The following SCHIP1 variants were observed in gnomAD, a reference collection of about 807,000 sequenced individuals.
SCHIP1 encodes the protein schwannomin-interacting protein 1.
In SCHIP1, 8 loss-of-function variants were observed where a neutral mutation model predicts 29.7. The observed-to-expected ratio is 0.27, with a 90% CI of 0.16 to 0.49. The LOEUF is 0.49. Among genes scored for constraint, SCHIP1 ranks in the 20% least tolerant of loss-of-function variants. The pLI is 0.99. For missense variants in SCHIP1, 193 were observed against 294.6 expected, an observed-to-expected ratio of 0.66 and a Z score of 2.52; for synonymous variants, 76 against 94.9, an observed-to-expected ratio of 0.80 and a Z score of 1.16.
the SCHIP1 span, among the ~76,000 whole-genome samples, chr3:159,459,457 G>T: frequency 1.3e-5 from 2 of 152,180 alleles, no homozygotes; most frequent in Admixed American, 6.5e-5. Flanking sequence ...AATCTAAGGG[G>T]CTGGAGATAT....
At chr3:159,764,318 T>G in the SCHIP1 span, 21 of 1,176,662 alleles carry the variant, frequency 1.8e-5, no homozygotes, top group South Asian at 4.0e-5. The surrounding 1 kb of genome is among the most constrained non-coding windows in gnomAD (Gnocchi z 6.1). Context: ...CAGGCCTCCT[T>G]GGGGGACGCA....
chr3:159,765,132 C>T, the SCHIP1 span: 1 of 1,561,578 alleles, frequency 6.4e-7, no homozygotes, highest in Non-Finnish European at 8.7e-7. Context: ...GGACCAACTC[C>T]ACCTCCGTAA....
the SCHIP1 span, among the ~76,000 whole-genome samples, chr3:159,323,840 A>T: frequency 6.6e-6 from 1 of 152,162 alleles, no homozygotes. Context: ...TTGGCCTGGG[A>T]ATGCTATCGG....
At chr3:159,844,249 A>C (rs991250664) in intron 1 of SCHIP1, among the ~76,000 whole-genome samples, 26 of 152,346 alleles carry the variant, frequency 1.7e-4, no homozygotes, top group African/African-American at 5.5e-4. Context: ...TGCTTTTCTA[A>C]ATGGATGATT....
chr3:159,376,479 G>A, the SCHIP1 span, among the ~76,000 whole-genome samples: 3 of 152,112 alleles, frequency 2.0e-5, no homozygotes, highest in African/African-American at 7.2e-5. Context: ...GGAGCCAATT[G>A]ATTCCTAAGT....
the SCHIP1 span, among the ~76,000 whole-genome samples, chr3:159,608,539 C>T: frequency 1.3e-5 from 2 of 152,184 alleles, no homozygotes; most frequent in Non-Finnish European, 2.9e-5. Context: ...GTCTTACTAA[C>T]TTACCAGAGA....
the SCHIP1 span, among the ~76,000 whole-genome samples, chr3:159,535,637 T>C: frequency 6.6e-6 from 1 of 152,206 alleles, no homozygotes; most frequent in East Asian, 1.9e-4. Flanking sequence ...AGTAAAGACA[T>C]AGACTAGTTG....
chr3:159,399,971 A>G, the SCHIP1 span, among the ~76,000 whole-genome samples: 10 of 152,126 alleles, frequency 6.6e-5, no homozygotes, highest in Admixed American at 6.6e-5. Flanking sequence ...ACCTGGGCAT[A>G]TTTTAAAAAT....
the SCHIP1 span, among the ~76,000 whole-genome samples, chr3:159,652,680 G>A: frequency 1.3e-5 from 2 of 152,274 alleles, no homozygotes; most frequent in Non-Finnish European, 1.5e-5. Flanking sequence ...AATGACGACT[G>A]TTGAAATGAC....
chr3:159,394,622 G>A, the SCHIP1 span, among the ~76,000 whole-genome samples: 1 of 151,866 alleles, frequency 6.6e-6, no homozygotes, highest in Non-Finnish European at 1.5e-5. Flanking sequence ...TACATTTATT[G>A]ATTTGCGTAT....
At chr3:159,879,351 C>T (rs973187329) in intron 2 of SCHIP1, among the ~76,000 whole-genome samples, 11 of 151,606 alleles carry the variant, frequency 7.3e-5, no homozygotes, top group African/African-American at 1.9e-4. Context: ...CATCTCAAGA[C>T]GGACTTTCCT....
the SCHIP1 span, among the ~76,000 whole-genome samples, chr3:159,394,846 G>C: frequency 6.6e-6 from 1 of 152,106 alleles, no homozygotes; most frequent in Admixed American, 6.5e-5. Flanking sequence ...AGTTAGGGAG[G>C]ATTCCCTCTT....
At chr3:159,782,883 T>C in the SCHIP1 span, among the ~76,000 whole-genome samples, 11 of 152,180 alleles carry the variant, frequency 7.2e-5, no homozygotes, top group Admixed American at 7.2e-4. Flanking sequence ...CCTTGCCACC[T>C]CAACACACCC....
At chr3:159,752,451 A>G in the SCHIP1 span, among the ~76,000 whole-genome samples, 1 of 152,132 alleles carries the variant, frequency 6.6e-6, no homozygotes, top group Non-Finnish European at 1.5e-5. Context: ...TGCTATAAAG[A>G]AATACTGGAG....
chr3:159,843,725 A>T (rs1744501092), intron 1 of SCHIP1, among the ~76,000 whole-genome samples: 1 of 146,820 alleles, frequency 6.8e-6, no homozygotes, highest in Admixed American at 6.8e-5. Context: ...AGGGAGGCTG[A>T]TGCAGGAGAA....
At chr3:159,473,674 G>GAAAAAAAAAAAAAAAAAAAAAAA in the SCHIP1 span, among the ~76,000 whole-genome samples, 7 of 81,442 alleles carry the variant, frequency 8.6e-5, no homozygotes, top group Non-Finnish European at 1.5e-4. Flanking sequence ...ATGTAACTAC[G>GAAAAAAAAAAAAAAAAAAAAAAA]AAAAAAAAAA....
chr3:159,335,308 C>A, the SCHIP1 span, among the ~76,000 whole-genome samples: 1 of 152,126 alleles, frequency 6.6e-6, no homozygotes, highest in Admixed American at 6.6e-5. Context: ...TTGGCATGAC[C>A]AGTCTCTTTT....
chr3:159,809,311 A>G, the SCHIP1 span, among the ~76,000 whole-genome samples: 3 of 152,232 alleles, frequency 2.0e-5, no homozygotes, highest in African/African-American at 4.8e-5. Context: ...TGCAAAGGAC[A>G]TGAACTCATC....
chr3:159,654,318 A>T, the SCHIP1 span, among the ~76,000 whole-genome samples: 26,135 of 152,012 alleles, frequency 0.17, 6,249 homozygotes, highest in African/African-American at 0.54. Context: ...CATTTTTCCC[A>T]ACTCTCTATC....
Sources: allele counts gnomAD v4.1 joint callset (sites outside exome capture counted in the v4.1 genomes callset), GRCh38; gene constraint gnomAD v4.1.1; non-coding constraint Gnocchi (gnomAD v3.1); transcripts MANE v1.5; gene names NCBI Gene and HGNC (gene_info 2026-07-23, HGNC 2026-07-21).